TENM2: variants seen among roughly 807,000 people sequenced by gnomAD.
TENM2 encodes the protein teneurin transmembrane protein 2, also known as teneurin-2.
In TENM2, 52 loss-of-function variants were observed where a neutral mutation model predicts 245.2. The observed-to-expected ratio is 0.21, with a 90% CI of 0.17 to 0.27. The LOEUF is 0.27. TENM2 is among the 10% of genes least tolerant of loss of function. The pLI, the probability that TENM2 is intolerant of heterozygous loss-of-function variation, is 1.00. For synonymous variants in TENM2, 1,363 were observed against 1,438.9 expected, an observed-to-expected ratio of 0.95 and a Z score of 1.19; for missense variants, 3,046 against 3,666.8, an observed-to-expected ratio of 0.83 and a Z score of 4.37.
At chr5:167,359,371 G>A (rs1391504779) in intron 1 of TENM2, among the ~76,000 whole-genome samples, 1 of 152,078 alleles carries the variant, frequency 6.6e-6, no homozygotes, top group Non-Finnish European at 1.5e-5. Context: ...TGCACCATTG[G>A]CTTCCTCATG....
At chr5:167,994,715 G>C (rs1783922539) in intron 5 of TENM2, among the ~76,000 whole-genome samples, 1 of 152,228 alleles carries the variant, frequency 6.6e-6, no homozygotes. Context: ...CTTTGCAGAA[G>C]TGTAGCTTGC....
At chr5:167,650,492 A>G (rs1202824422) in intron 2 of TENM2, among the ~76,000 whole-genome samples, 2 of 152,160 alleles carry the variant, frequency 1.3e-5, no homozygotes, top group African/African-American at 4.8e-5. Context: ...TTGTTAGAAG[A>G]GTGCTAACTA....
chr5:167,179,076 T>C, the TENM2 span, among the ~76,000 whole-genome samples: 10 of 152,184 alleles, frequency 6.6e-5, no homozygotes, highest in Non-Finnish European at 1.2e-4. Flanking sequence ...TTATAAGCTG[T>C]TATACTTTGT....
At chr5:168,025,889 G>A (rs1031305764) in intron 5 of TENM2, among the ~76,000 whole-genome samples, 2 of 152,174 alleles carry the variant, frequency 1.3e-5, no homozygotes, top group African/African-American at 4.8e-5. Context: ...TCCTGAGGTT[G>A]GAATTAAGTC....
intron 2 of TENM2, among the ~76,000 whole-genome samples, chr5:167,412,225 AG>A (rs541099709): frequency 6.2e-4 from 95 of 152,242 alleles, no homozygotes; most frequent in Non-Finnish European, 1.0e-3. Context: ...AAAGAGGAAC[AG>A]GAGCAGCTAG....
chr5:168,137,094 G>A (rs774021338), intron 12 of TENM2, among the ~76,000 whole-genome samples: 2 of 152,094 alleles, frequency 1.3e-5, no homozygotes, highest in Non-Finnish European at 2.9e-5. Flanking sequence ...CAAAAAGTAC[G>A]TCCTGCCAGT....
intron 2 of TENM2, among the ~76,000 whole-genome samples, chr5:167,485,020 T>G (rs947907348): frequency 7.9e-5 from 12 of 152,244 alleles, no homozygotes; most frequent in Non-Finnish European, 1.8e-4. Context: ...AGTGATATAT[T>G]CTGTAGCCCA....
At chr5:168,206,256 G>A (rs1223942509) in intron 19 of TENM2, among the ~76,000 whole-genome samples, 1 of 152,210 alleles carries the variant, frequency 6.6e-6, no homozygotes, top group Non-Finnish European at 1.5e-5. Flanking sequence ...GCATTCTTGG[G>A]AGCCAAGAGT....
At chr5:166,979,576 T>C in the TENM2 span, among the ~76,000 whole-genome samples, 2 of 152,184 alleles carry the variant, frequency 1.3e-5, no homozygotes, top group African/African-American at 4.8e-5. Context: ...TTTCCCCTTT[T>C]CTTTCTTTCT....
At chr5:167,891,169 G>A (rs906287546) in intron 3 of TENM2, among the ~76,000 whole-genome samples, 2 of 152,202 alleles carry the variant, frequency 1.3e-5, no homozygotes, top group African/African-American at 2.4e-5. Context: ...TATATAGATA[G>A]ATAGGTACCT....
Position 167,446,888 on chromosome 5 carries a change from G to T in TENM2, c.502+71415G>T, listed in dbSNP as rs1765255930. Among the ~76,000 whole-genome samples the T allele has an allele frequency of 2.0e-5, 3 of 151,686 alleles. No individual in the cohort carries two copies. In the South Asian group the frequency reaches 6.2e-4, roughly 32 times the overall value. ...GGGTTGAGTATCCTTTATTTGAAAT[G>T]CTTGGAGCCGGAAGTTTTTCAGATT... is the stretch of plus-strand genomic sequence containing the variant. On this transcript the variant is annotated intron_variant, in intron 2 of 28. Coordinates refer to ENST00000518659, the Ensembl canonical transcript of TENM2.
chr5:167,714,538 C>T (rs1759126890), intron 2 of TENM2, among the ~76,000 whole-genome samples: 1 of 152,182 alleles, frequency 6.6e-6, no homozygotes, highest in Non-Finnish European at 1.5e-5. Flanking sequence ...TGCACCTGGG[C>T]TTCCCAAGCC....
At chr5:168,162,447 C>A (rs1275395406) in intron 12 of TENM2, among the ~76,000 whole-genome samples, 164 bp from the exon 15 acceptor site, 1 of 152,200 alleles carries the variant, frequency 6.6e-6, no homozygotes, top group Non-Finnish European at 1.5e-5. Context: ...CTTGCTACTG[C>A]ATGCGTTGCC....
intron 2 of TENM2, among the ~76,000 whole-genome samples, chr5:167,425,933 G>T (rs1021156652): frequency 6.6e-6 from 1 of 152,164 alleles, no homozygotes; most frequent in African/African-American, 2.4e-5. Flanking sequence ...TATTAATGTA[G>T]TGTGATTTAT....
chr5:168,057,370 C>T (rs1274140370), intron 6 of TENM2, among the ~76,000 whole-genome samples: 1 of 151,836 alleles, frequency 6.6e-6, no homozygotes, highest in Non-Finnish European at 1.5e-5. Flanking sequence ...ATATACCCAG[C>T]AATGATCCTC....
the TENM2 span, among the ~76,000 whole-genome samples, chr5:167,111,308 A>T: frequency 4.6e-5 from 7 of 152,196 alleles, no homozygotes; most frequent in African/African-American, 1.7e-4. Context: ...GCCAGTTTTA[A>T]CAACTGATGC....
intron 25 of TENM2, among the ~76,000 whole-genome samples, chr5:168,235,806 C>G (rs530623355): frequency 1.9e-5 from 2 of 106,996 alleles, no homozygotes; most frequent in East Asian, 7.3e-4. Context: ...GACTCTGCCT[C>G]AAAGAAAAAA....
chr5:168,249,172 G>A (rs1766868378), intron 27 of TENM2, among the ~76,000 whole-genome samples: 1 of 151,878 alleles, frequency 6.6e-6, no homozygotes, highest in Non-Finnish European at 1.5e-5. Flanking sequence ...TAGTCTAGTG[G>A]ATGATCATGA....
At chr5:168,185,682 G>A (rs1002899565) in intron 13 of TENM2, among the ~76,000 whole-genome samples, 4 of 151,452 alleles carry the variant, frequency 2.6e-5, no homozygotes, top group Non-Finnish European at 4.4e-5. Flanking sequence ...TCAATCTATA[G>A]CATTTGTTAT....
Sources: gnomAD v4.1 joint callset for allele counts (sites outside exome capture counted in the v4.1 genomes callset) on GRCh38, gnomAD v4.1.1 for gene constraint, MANE v1.5 for transcripts, NCBI Gene and HGNC (gene_info 2026-07-23, HGNC 2026-07-21) for gene names.